Variants in RALYL observed in about 807,000 individuals in gnomAD.
The protein encoded by RALYL is RALY RNA binding protein like.
A neutral mutation model predicts 35.1 loss-of-function variants in RALYL; 29 were observed. The observed-to-expected ratio is 0.83, with a 90% CI of 0.61 to 1.13. RALYL has a LOEUF of 1.13. Among genes scored for constraint, RALYL ranks in the 50% most tolerant of loss-of-function variants. RALYL has a pLI of 0.00. For synonymous variants in RALYL, 120 were observed against 127.6 expected (o/e 0.94, Z 0.40); for missense variants, 359 against 360.4 (o/e 1.00, Z 0.03).
intron 8 of RALYL, among the ~76,000 whole-genome samples, chr8:84,914,954 A>G (rs933883671): frequency 1.3e-5 from 2 of 152,026 alleles, no homozygotes; most frequent in African/African-American, 4.8e-5. Context: ...TCTTCCCGCA[A>G]TTGGTCAGAA....
chr8:84,488,292 CCTAT>C (rs745559621), intron 1 of RALYL, among the ~76,000 whole-genome samples: 2 of 152,014 alleles, frequency 1.3e-5, no homozygotes, highest in Non-Finnish European at 2.9e-5. Flanking sequence ...TGAGTTATCC[CCTAT>C]CTATTTTACC....
At chr8:84,338,014 T>C (rs1364789858) in intron 1 of RALYL, among the ~76,000 whole-genome samples, 1 of 152,020 alleles carries the variant, frequency 6.6e-6, no homozygotes, top group Non-Finnish European at 1.5e-5. Flanking sequence ...AAACTAAGAC[T>C]GTACATTGGC....
At chr8:84,565,420 G>A (rs974719241) in intron 2 of RALYL, among the ~76,000 whole-genome samples, 1 of 151,326 alleles carries the variant, frequency 6.6e-6, no homozygotes, top group Non-Finnish European at 1.5e-5. Context: ...GTATCACTGG[G>A]TCTTATGAAA....
At chr8:84,876,714 T>A (rs1258114946) in intron 7 of RALYL, among the ~76,000 whole-genome samples, 1 of 152,122 alleles carries the variant, frequency 6.6e-6, no homozygotes. Context: ...TCACTGTTAT[T>A]CCTGATACAT....
chr8:84,698,825 C>T (rs974843143), intron 2 of RALYL, among the ~76,000 whole-genome samples: 7 of 152,116 alleles, frequency 4.6e-5, no homozygotes, highest in South Asian at 2.1e-4. Flanking sequence ...CTCTACTTCA[C>T]GTGCCACGTG....
At chr8:84,311,488 A>C (rs558512714) in intron 1 of RALYL, among the ~76,000 whole-genome samples, 55 of 152,280 alleles carry the variant, frequency 3.6e-4, no homozygotes, top group African/African-American at 1.3e-3. Flanking sequence ...GAGAAGACTC[A>C]TTTTTTACTA....
At chr8:84,447,417 T>C (rs1019480739) in intron 1 of RALYL, among the ~76,000 whole-genome samples, 4 of 152,012 alleles carry the variant, frequency 2.6e-5, no homozygotes, top group African/African-American at 9.7e-5. Flanking sequence ...GAGCTCACTT[T>C]TGTTTCAGCA....
chr8:84,905,700 AT>A (rs35284071), intron 8 of RALYL, among the ~76,000 whole-genome samples: 372 of 142,888 alleles, frequency 2.6e-3, no homozygotes, highest in African/African-American at 6.2e-3. Flanking sequence ...TATGAATACT[AT>A]TTTTTTTTTT....
intron 1 of RALYL, among the ~76,000 whole-genome samples, chr8:84,411,988 G>A (rs2044150414): frequency 6.6e-6 from 1 of 151,812 alleles, no homozygotes; most frequent in Non-Finnish European, 1.5e-5. Context: ...AGAAGAAGAA[G>A]TATGATAATA....
chr8:84,547,876 T>C (rs535175375), intron 2 of RALYL, among the ~76,000 whole-genome samples: 1 of 152,314 alleles, frequency 6.6e-6, no homozygotes, highest in African/African-American at 2.4e-5. Flanking sequence ...GTTTTCATTG[T>C]CTGAAGCTTG....
chr8:84,660,886 C>G (rs965459522), intron 2 of RALYL, among the ~76,000 whole-genome samples: 1 of 151,898 alleles, frequency 6.6e-6, no homozygotes, highest in Admixed American at 6.6e-5. Flanking sequence ...TCTTAATATA[C>G]ATATAAAATG....
intron 1 of RALYL, among the ~76,000 whole-genome samples, chr8:84,423,025 G>A (rs933430762): frequency 6.7e-6 from 1 of 149,804 alleles, no homozygotes. Flanking sequence ...TGTATATTCT[G>A]TTGATTTGGG....
At chr8:84,332,750 A>G (rs893798062) in intron 1 of RALYL, among the ~76,000 whole-genome samples, 1 of 152,094 alleles carries the variant, frequency 6.6e-6, no homozygotes, top group Admixed American at 6.6e-5. Context: ...ATGAGCAGAG[A>G]AAGACTAATG....
chr8:84,214,838 AT>A (rs1213362856), intron 1 of RALYL, among the ~76,000 whole-genome samples: 122 of 151,696 alleles, frequency 8.0e-4, no homozygotes, highest in African/African-American at 2.8e-3. Context: ...AATATTTTGG[AT>A]TTTTTTGTGT....
chr8:84,753,203 C>T lies in RALYL; in HGVS notation c.257-21376C>T, dbSNP rs74335133. On this transcript the variant is annotated intron_variant, in intron 2 of 8. Coordinates refer to ENST00000521268, the MANE Select transcript of RALYL (RefSeq NM_173848.7). ...AATTCCCTGCTGGCTTTCAGAATTG[C>T]AGGGGGCCTGTGGCTTCTTTCTTTT... Among the ~76,000 whole-genome samples, 4 of 152,288 alleles carry T rather than the reference C, an allele frequency of 2.6e-5. No homozygotes were observed. In the East Asian group the frequency reaches 7.7e-4, roughly 29 times the overall value.
chr8:84,334,252 T>C (rs966183303), intron 1 of RALYL, among the ~76,000 whole-genome samples: 1 of 152,256 alleles, frequency 6.6e-6, no homozygotes, highest in Non-Finnish European at 1.5e-5. Context: ...TATTCAGTAC[T>C]TTAAATCAGT....
chr8:84,766,231 A>G (rs1813921275), intron 2 of RALYL, among the ~76,000 whole-genome samples: 1 of 152,174 alleles, frequency 6.6e-6, no homozygotes, highest in Non-Finnish European at 1.5e-5. Context: ...GCTAATAGAT[A>G]TATCGTCCAA....
At chr8:84,333,889 T>C (rs1393836189) in intron 1 of RALYL, among the ~76,000 whole-genome samples, 1 of 144,096 alleles carries the variant, frequency 6.9e-6, no homozygotes, top group Non-Finnish European at 1.6e-5. Context: ...TTTTAACTTG[T>C]TTTTTTCCCC....
At chr8:84,615,570 C>CT (rs60428128) in intron 2 of RALYL, among the ~76,000 whole-genome samples, 3,299 of 67,258 alleles carry the variant, frequency 0.049, 158 homozygotes, top group African/African-American at 0.06. Flanking sequence ...GAACTTTCGT[C>CT]TTTTTTTTTT....
Sources: gnomAD v4.1 joint callset for allele counts (sites outside exome capture counted in the v4.1 genomes callset) on GRCh38, gnomAD v4.1.1 for gene constraint, MANE v1.5 for transcripts, NCBI Gene and HGNC (gene_info 2026-07-23, HGNC 2026-07-21) for gene names.